CLTCL1: variants seen among roughly 807,000 people sequenced by gnomAD.
CLTCL1 encodes clathrin heavy chain 2.
In CLTCL1, 159 loss-of-function variants were observed where a neutral mutation model predicts 190.0. The observed-to-expected ratio is 0.84, with a 90% confidence interval of 0.74 to 0.95. CLTCL1 has a LOEUF of 0.95. Among genes scored for constraint, CLTCL1 ranks in the 40% least tolerant of loss-of-function variants. The pLI, the probability that CLTCL1 is intolerant of heterozygous loss-of-function variation, is 0.00. For missense variants in CLTCL1, 1,878 were observed against 2,033.4 expected (o/e 0.92, Z 1.47); for synonymous variants, 752 against 769.6 (o/e 0.98, Z 0.38).
At chr22:19,248,138 A>T (rs868911049) in intron 3 of CLTCL1, among the ~76,000 whole-genome samples, 132 of 151,972 alleles carry the variant, frequency 8.7e-4, no homozygotes, top group African/African-American at 3.1e-3. Flanking sequence ...CACTACTAAA[A>T]ATACAAAATT....
At chr22:19,260,261 C>G (rs889306537) in intron 2 of CLTCL1, among the ~76,000 whole-genome samples, 1 of 152,180 alleles carries the variant, frequency 6.6e-6, no homozygotes, top group African/African-American at 2.4e-5. Flanking sequence ...GTTCTCCAGA[C>G]GACCTAGCTA....
At chr22:19,221,653 C>T in intron 16 of CLTCL1, 42 bp from the exon 17 acceptor site, 1 of 1,491,730 alleles carries the variant, frequency 6.7e-7, no homozygotes, top group Admixed American at 2.0e-5. Flanking sequence ...AAGGCTACCA[C>T]TGGAAGTCTT....
At chr22:19,259,295 G>A (rs574803072) in intron 2 of CLTCL1, among the ~76,000 whole-genome samples, 17 of 152,066 alleles carry the variant, frequency 1.1e-4, no homozygotes, top group Admixed American at 1.0e-3. Flanking sequence ...TAGTAGAGAC[G>A]GGGTTTTACC....
At chr22:19,258,157 C>A in intron 2 of CLTCL1, 1 of 353,054 alleles carries the variant, frequency 2.8e-6, no homozygotes, top group Non-Finnish European at 5.5e-6. Flanking sequence ...AGCTGTTCTT[C>A]ATGAAGAACC....
In CLTCL1 at chr22:19,242,972, A is replaced by G. The variant is rs201145111; in HGVS notation, c.520-36T>C. 306 of 1,574,174 alleles carry G rather than the reference A, an allele frequency of 1.9e-4. 3 individuals are homozygous for G. The East Asian group carries it at 6.9e-3, about 35-fold the overall frequency. On this transcript the variant is annotated intron_variant, in intron 3 of 32. Coordinates refer to ENST00000427926, the MANE Select transcript of CLTCL1 (RefSeq NM_007098.4). ...ATATTATGCAATGAAAGGGAGAGAA[A>G]AGAGAGGAATATAAAGAAACAATTC...
intron 26 of CLTCL1, among the ~76,000 whole-genome samples, chr22:19,193,389 A>AC (rs1367787425): frequency 2.0e-5 from 3 of 152,200 alleles, no homozygotes; most frequent in African/African-American, 7.2e-5. Flanking sequence ...AGCCCTCTGC[A>AC]CTACAGGAGG....
intron 3 of CLTCL1, chr22:19,249,893 A>G: frequency 2.3e-6 from 1 of 433,356 alleles, no homozygotes; most frequent in Non-Finnish European, 4.6e-6. Flanking sequence ...ATGCAAAAGC[A>G]ATCTTCCCTT....
chr22:19,180,355 T>A lies in CLTCL1; in HGVS notation c.4904-117A>T. 3 of 1,127,400 alleles carry A rather than the reference T, an allele frequency of 2.7e-6. No individual in the cohort carries two copies. The South Asian group carries it at 3.9e-5, about 15-fold the overall frequency. The allele number at this position is 1,127,400 out of a possible 1,614,324, so 69.8% of individuals were successfully genotyped here. A position where few individuals can be genotyped will look rare whatever the true frequency, so the allele number is the denominator to read the frequency against. On this transcript the variant is annotated intron_variant, in intron 31 of 32. Coordinates refer to ENST00000427926, the MANE Select transcript of CLTCL1 (RefSeq NM_007098.4). Reference sequence around the variant, plus strand: ...TCAGGCCTGTGTTTGCCCCACAGTGTCCAAGCACCCCACAGCCTCTCCAGT... The same window carrying A: ...TCAGGCCTGTGTTTGCCCCACAGTGACCAAGCACCCCACAGCCTCTCCAGT...
At chr22:19,180,350 C>T in intron 31 of CLTCL1, 112 bp from the exon 32 acceptor site, 1 of 1,208,106 alleles carries the variant, frequency 8.3e-7, no homozygotes, top group Non-Finnish European at 1.2e-6. Flanking sequence ...GTTTGCCCCA[C>T]AGTGTCCAAG....
chr22:19,291,485 G>A lies in CLTCL1; in HGVS notation c.42+115C>T, dbSNP rs911495545. On this transcript the variant is annotated intron_variant, in intron 1 of 32. Coordinates refer to ENST00000427926, the MANE Select transcript of CLTCL1 (RefSeq NM_007098.4). ...CAGCCCAGGTGGGAGGTCGGAAATC[G>A]GCGCGGCCAGCTGGGCAGCGGCTCA... 2.9e-5 allele frequency: 30 copies of A among 1,040,120 alleles called. No homozygotes were observed. The South Asian group carries it at 1.3e-3, about 44-fold the overall frequency. The allele number at this position is 1,040,120 out of a possible 1,614,324, so 64.4% of individuals were successfully genotyped here.
intron 2 of CLTCL1, among the ~76,000 whole-genome samples, chr22:19,259,526 T>C (rs537011252): frequency 1.3e-5 from 2 of 152,244 alleles, no homozygotes; most frequent in African/African-American, 4.8e-5. Flanking sequence ...GTAATTCTCA[T>C]GATATTTCAA....
rs543326480 is a variant in CLTCL1 at position 19,259,267 on chromosome 22, G to A, written c.251-5040C>T. ...ATTACAGGCGCCCACCACCATGCCC[G>A]ACTAATTTTTGTATTTTTAGTAGAG... On this transcript the variant is annotated intron_variant, in intron 2 of 32. Transcript: ENST00000427926. Among the ~76,000 whole-genome samples the A allele has an allele frequency of 3.3e-5, 5 of 152,150 alleles. No individual in the cohort carries two copies. The Middle Eastern group carries it at 0.01, about 311-fold the overall frequency.
At chr22:19,203,163 A>G (rs1324145644) in intron 22 of CLTCL1, among the ~76,000 whole-genome samples, 1 of 152,124 alleles carries the variant, frequency 6.6e-6, no homozygotes, top group Admixed American at 6.5e-5. Flanking sequence ...ACAAATAGAA[A>G]AATTAGCTGA....
At chr22:19,262,250 T>C (rs1555975940) in intron 2 of CLTCL1, among the ~76,000 whole-genome samples, 1 of 151,446 alleles carries the variant, frequency 6.6e-6, no homozygotes. Context: ...ATGGTCTCGA[T>C]CTCTTGACCT....
At position 19,235,809 on chromosome 22, in the gene CLTCL1, C is replaced by G. The variant is rs191439705; in HGVS notation, c.856G>C (p.Asp286His). The G allele has an allele frequency of 2.2e-5, 35 of 1,613,892 alleles. No individual in the cohort carries two copies. The Admixed American group carries it at 2.5e-4, about 12-fold the overall frequency. ...ITKYGYLHLY[D>H]LESGVCICMN... The stretch of plus-strand genomic sequence containing the variant: ...CAGATGCACACGCCAGACTCTAGGT[C>G]GTACAGATGAAGATAGCCATACTTT... The change falls in exon 6 of 33, where the codon GAC (aspartate) becomes CAC (histidine). Residue 286 changes from aspartate (D) to histidine (H), a missense_variant. By Grantham distance (81) the Asp-to-His change is moderately conservative. Transcript: ENST00000427926.
intron 1 of CLTCL1, among the ~76,000 whole-genome samples, chr22:19,289,321 C>G (rs1433920368): frequency 1.3e-5 from 2 of 152,130 alleles, no homozygotes; most frequent in African/African-American, 4.8e-5. Context: ...CCAACTGCAG[C>G]CTGCTTTTGT....
rs140127005 is a variant in CLTCL1 at position 19,201,558 on chromosome 22, T to C, written c.3601-65A>G. On this transcript the variant is annotated intron_variant, in intron 22 of 32. Coordinates refer to ENST00000427926, the MANE Select transcript of CLTCL1 (RefSeq NM_007098.4). ...TGGGAAGATTTCTCCAGAGTTGCTTTTAAGTTCCTAGATGGCAGAGGTATT... is the reference window on the plus strand; with the variant it reads ...TGGGAAGATTTCTCCAGAGTTGCTTCTAAGTTCCTAGATGGCAGAGGTATT... The C allele has an allele frequency of 5.5e-4, 837 of 1,523,350 alleles. 5 individuals are homozygous for C. The African/African-American group carries it at 0.01, about 18-fold the overall frequency. 94.4% of individuals were successfully genotyped at this position (1,523,350 alleles called of 1,614,324 possible). A position where few individuals can be genotyped will look rare whatever the true frequency, so the allele number is the denominator to read the frequency against.
chr22:19,215,145 C>A (rs1341124127), intron 19 of CLTCL1, among the ~76,000 whole-genome samples: 1 of 152,228 alleles, frequency 6.6e-6, no homozygotes, highest in Non-Finnish European at 1.5e-5. Flanking sequence ...GACAGCAAGA[C>A]AGAATATCGT....
intron 32 of CLTCL1, 59 bp from the exon 33 acceptor site, chr22:19,180,028 T>A: frequency 1.6e-6 from 1 of 620,610 alleles, no homozygotes; most frequent in Middle Eastern, 4.2e-4. Context: ...GGTCCTCTCC[T>A]GGCTGCCCCT....
Sources: allele counts gnomAD v4.1 joint callset (sites outside exome capture counted in the v4.1 genomes callset), GRCh38; gene constraint gnomAD v4.1.1; transcripts MANE v1.5; gene names NCBI Gene and HGNC (gene_info 2026-07-23, HGNC 2026-07-21).